MIA2: variants seen among roughly 807,000 people sequenced by gnomAD.
MIA2 encodes melanoma inhibitory activity protein 2.
A neutral mutation model predicts 167.8 loss-of-function variants in MIA2; 127 were observed. The observed-to-expected ratio is 0.76, with a 90% CI of 0.66 to 0.88. The LOEUF (loss-of-function observed/expected upper bound fraction) is 0.88. MIA2 is among the 40% of genes least tolerant of loss of function. The probability of loss-of-function intolerance (pLI) is 0.00; values close to 1 mark genes in which losing one functional copy is unlikely to be tolerated. For missense variants in MIA2, 1,690 were observed against 1,624.7 expected (o/e 1.04, Z -0.69); for synonymous variants, 552 against 541.9 (o/e 1.02, Z -0.26).
At chr14:39,305,769 C>G (rs1342546876) in intron 17 of MIA2, among the ~76,000 whole-genome samples, 1 of 152,076 alleles carries the variant, frequency 6.6e-6, no homozygotes, top group African/African-American at 2.4e-5. Context: ...AACCCTGTCT[C>G]TACTAAAAAT....
At chr14:39,317,513 A>T (rs1424421271) in intron 21 of MIA2, among the ~76,000 whole-genome samples, 1 of 152,138 alleles carries the variant, frequency 6.6e-6, no homozygotes, top group African/African-American at 2.4e-5. Context: ...CCCAGGGTGG[A>T]TGGGGACAAG....
chr14:39,379,634 C>T (rs1001169848), intron 23 of MIA2, among the ~76,000 whole-genome samples: 2 of 151,888 alleles, frequency 1.3e-5, no homozygotes, highest in South Asian at 2.1e-4. Flanking sequence ...GGTGGATCAC[C>T]TGAGGTCAGG....
rs556635641 is a variant in MIA2 at position 39,348,858 on chromosome 14, G to T, written c.3953G>T (p.Gly1318Val). 6.2e-7 allele frequency: 1 copy of T among 1,613,854 alleles called. No individual in the cohort carries two copies. The highest frequency in any genetic ancestry group is 1.3e-5 in the African/African-American group (1 of 74,878). ...CCATTGTTTCCAGTGGATGCAAGAG[G>T]CCCATTCTTGAGAAGAGGACCTCCT... ...RGPLFPVDAR[G>V]PFLRRGPPFP... Residue 1318 changes from glycine (G) to valine (V), a missense_variant, in exon 28 of 29, where the codon GGC becomes GTC. Gly to Val is a moderately radical substitution (Grantham distance 109). Transcript: ENST00000640607.
chr14:39,302,474 T>G (rs2062680144), intron 15 of MIA2, among the ~76,000 whole-genome samples: 1 of 152,178 alleles, frequency 6.6e-6, no homozygotes, highest in Non-Finnish European at 1.5e-5. Context: ...ACTTACAGCC[T>G]CCTCCCTTTT....
At chr14:39,330,365 C>G (rs1337089032) in intron 25 of MIA2, among the ~76,000 whole-genome samples, 2 of 151,966 alleles carry the variant, frequency 1.3e-5, no homozygotes, top group Non-Finnish European at 1.5e-5. Context: ...CTCTTTTCTT[C>G]CTTATTAGTC....
chr14:39,255,478 A>T (rs965414323), intron 6 of MIA2, among the ~76,000 whole-genome samples: 34 of 152,244 alleles, frequency 2.2e-4, no homozygotes, highest in Admixed American at 2.2e-3. Flanking sequence ...ACTGCACTCC[A>T]GCCTGGGCCA....
At chr14:39,240,489 C>T (rs1320024847) in intron 2 of MIA2, 72 bp from the exon 3 acceptor site, 2 of 1,188,848 alleles carry the variant, frequency 1.7e-6, no homozygotes, top group Non-Finnish European at 2.5e-6. Flanking sequence ...GGACATGGGA[C>T]AAAATTAGGT....
chr14:39,323,039 GTC>G (rs1204021222), intron 24 of MIA2, among the ~76,000 whole-genome samples: 3 of 152,166 alleles, frequency 2.0e-5, no homozygotes, highest in Admixed American at 2.0e-4. Context: ...ATCTCAGGAA[GTC>G]TGTGTACTTG....
chr14:39,347,903 C>A (rs922880202), intron 27 of MIA2, 132 bp downstream of exon 27: 1 of 807,784 alleles, frequency 1.2e-6, no homozygotes, highest in Non-Finnish European at 1.8e-6. Flanking sequence ...CTCACTGCAA[C>A]CTGGGTTCAA....
chr14:39,280,419 A>G (rs1392793625), intron 9 of MIA2, among the ~76,000 whole-genome samples: 1 of 152,034 alleles, frequency 6.6e-6, no homozygotes, highest in Admixed American at 6.6e-5. Context: ...GCATTAGGGC[A>G]GGTATAGTTT....
At chr14:39,259,271 C>CCTTT (rs1480185909) in intron 6 of MIA2, among the ~76,000 whole-genome samples, 2 of 152,194 alleles carry the variant, frequency 1.3e-5, no homozygotes, top group African/African-American at 4.8e-5. Context: ...GGGGCTCTTA[C>CCTTT]CTTTCCTTCA....
chr14:39,305,145 T>C (rs544172497), intron 17 of MIA2, among the ~76,000 whole-genome samples: 1 of 152,210 alleles, frequency 6.6e-6, no homozygotes, highest in African/African-American at 2.4e-5. Flanking sequence ...AATACTGTTT[T>C]AAAAGATTGA....
chr14:39,266,813 G>C (rs1208310822), intron 6 of MIA2: 12 of 928,560 alleles, frequency 1.3e-5, no homozygotes, highest in Non-Finnish European at 1.5e-5. Flanking sequence ...GGGTGTCGGG[G>C]CTGGGCCTGG....
At chr14:39,236,844 T>G in intron 1 of MIA2, 78 bp from the exon 2 acceptor site, 1 of 1,346,686 alleles carries the variant, frequency 7.4e-7, no homozygotes, top group Non-Finnish European at 1.0e-6. Flanking sequence ...TAGGATGGAT[T>G]GAGGGACAGC....
intron 25 of MIA2, among the ~76,000 whole-genome samples, chr14:39,343,850 T>A (rs796892871): frequency 1.3e-5 from 2 of 152,220 alleles, no homozygotes; most frequent in East Asian, 1.9e-4. Flanking sequence ...TGTGTGTATA[T>A]GTATATGTGC....
chr14:39,310,010 TA>T (rs1176070436), intron 18 of MIA2, among the ~76,000 whole-genome samples: 1 of 152,120 alleles, frequency 6.6e-6, no homozygotes, highest in Non-Finnish European at 1.5e-5. Context: ...TTTAGGCTCT[TA>T]ATGATAGTTA....
At chr14:39,297,069 G>T (rs982161596) in intron 13 of MIA2, among the ~76,000 whole-genome samples, 1 of 151,646 alleles carries the variant, frequency 6.6e-6, no homozygotes, top group African/African-American at 2.4e-5. Context: ...GAGCCACCAC[G>T]CCCGGCTATT....
chr14:39,379,309 T>A (rs1341261010), intron 23 of MIA2, among the ~76,000 whole-genome samples: 2 of 152,224 alleles, frequency 1.3e-5, no homozygotes, highest in Non-Finnish European at 2.9e-5. Context: ...TACCATCTTA[T>A]GCACCCACCT....
At chr14:39,353,977 G>C (rs921202223), downstream of MIA2, among the ~76,000 whole-genome samples, 8 of 152,282 alleles carry the variant, frequency 5.3e-5, no homozygotes, top group South Asian at 1.0e-3. Context: ...TCGGACATTT[G>C]GGTTGGTTCC....
Sources: allele counts gnomAD v4.1 joint callset (sites outside exome capture counted in the v4.1 genomes callset), GRCh38; gene constraint gnomAD v4.1.1; transcripts MANE v1.5; gene names NCBI Gene and HGNC (gene_info 2026-07-23, HGNC 2026-07-21).